SMG6: variants seen among roughly 807,000 people sequenced by gnomAD.
SMG6 encodes SMG6 nonsense mediated mRNA decay factor.
In SMG6, 66 loss-of-function variants were observed where a neutral mutation model predicts 142.2. That is an observed-to-expected ratio of 0.46 (90% CI 0.38 to 0.57). The LOEUF is 0.57. SMG6 is among the 20% of genes least tolerant of loss of function. The pLI is 0.00. For synonymous variants in SMG6, 779 were observed against 702.4 expected (o/e 1.11, Z -1.72); for missense variants, 1,793 against 1,832.0 (o/e 0.98, Z 0.39).
At chr17:2,279,051 C>T (rs940350346) in intron 8 of SMG6, among the ~76,000 whole-genome samples, 1 of 152,130 alleles carries the variant, frequency 6.6e-6, no homozygotes, top group African/African-American at 2.4e-5. Flanking sequence ...AGGGAAAGAT[C>T]TGCACAAAAC....
At chr17:2,274,071 A>G (rs2074597975) in intron 8 of SMG6, among the ~76,000 whole-genome samples, 1 of 152,224 alleles carries the variant, frequency 6.6e-6, no homozygotes, top group African/African-American at 2.4e-5. Context: ...TCAATCCACC[A>G]TCTGTCTTTG....
intron 10 of SMG6, among the ~76,000 whole-genome samples, chr17:2,209,199 G>A (rs966079254): frequency 6.6e-6 from 1 of 152,128 alleles, no homozygotes; most frequent in South Asian, 2.1e-4. Flanking sequence ...TAAGATGTAA[G>A]ACAGCTCTAT....
chr17:2,101,808 G>C (rs1404911363), intron 13 of SMG6: 1 of 152,296 alleles, frequency 6.6e-6, no homozygotes, highest in African/African-American at 2.4e-5. Context: ...TTAAGGCACA[G>C]AGAAGTAACT....
In SMG6 at chr17:2,299,092, T is replaced by C. The variant is rs1159336724; in HGVS notation, c.1661A>G (p.Tyr554Cys). Residue 554 changes from tyrosine to cysteine, a missense_variant, in exon 2 of 19, where the codon TAT (tyrosine) becomes TGT (cysteine). Physicochemically the swap from Tyr to Cys is radical, Grantham distance 194. This residue lies in a region of SMG6 where 1,597 missense variants were observed against 1,584.6 expected (regional missense o/e 1.01). Transcript: ENST00000263073. This position sits in a 1 kb window ranked among gnomAD's most constrained non-coding sequence, Gnocchi z 4.3. ...GCTGGTAGGTAGAGGGCTACACACA[T>C]ACTGTCCTGACGGAGTCGGGTAGCC... ...YPGYPTPSGQ[Y>C]VCSPLPTSTM... is the part of the protein sequence containing the mutation. 1 of 1,614,140 alleles carries C rather than the reference T, an allele frequency of 6.2e-7. No homozygotes were observed.
intron 10 of SMG6, among the ~76,000 whole-genome samples, chr17:2,201,186 A>G (rs770738936): frequency 2.0e-5 from 3 of 152,234 alleles, no homozygotes; most frequent in Non-Finnish European, 2.9e-5. Context: ...TCAACTCAGC[A>G]AAATAAATAA....
chr17:2,296,687 C>A (rs1174861013), intron 4 of SMG6, among the ~76,000 whole-genome samples: 1 of 152,086 alleles, frequency 6.6e-6, no homozygotes, highest in Non-Finnish European at 1.5e-5. Context: ...GAAACTAGTC[C>A]CCGGTGCCAA....
At chr17:2,156,419 A>G (rs2071007346) in intron 13 of SMG6, among the ~76,000 whole-genome samples, 1 of 150,358 alleles carries the variant, frequency 6.7e-6, no homozygotes. Context: ...AAAAAAAAAA[A>G]AAAGAGTTAA....
At chr17:2,069,471 C>G (rs1343939755) in intron 15 of SMG6, among the ~76,000 whole-genome samples, 1 of 152,010 alleles carries the variant, frequency 6.6e-6, no homozygotes, top group Admixed American at 6.5e-5. Flanking sequence ...TGGCACACGC[C>G]TGTGGTCCCA....
At chr17:2,075,079 C>T (rs915643255) in intron 15 of SMG6, among the ~76,000 whole-genome samples, 5 of 152,212 alleles carry the variant, frequency 3.3e-5, no homozygotes, top group South Asian at 2.1e-4. Flanking sequence ...TTGACGTGAA[C>T]GTGCCCCCGG....
intron 8 of SMG6, among the ~76,000 whole-genome samples, chr17:2,247,202 T>A (rs1195743540): frequency 6.6e-6 from 1 of 152,204 alleles, no homozygotes; most frequent in Admixed American, 6.5e-5. Context: ...ATTGTTAACA[T>A]TCTCTCCTAA....
chr17:2,145,855 T>G (rs1465494645), intron 13 of SMG6, among the ~76,000 whole-genome samples: 1 of 152,102 alleles, frequency 6.6e-6, no homozygotes, highest in African/African-American at 2.4e-5. Flanking sequence ...CAATCCACCC[T>G]GAAGTTTGGG....
At chr17:2,254,083 AAG>A (rs1353943914) in intron 8 of SMG6, among the ~76,000 whole-genome samples, 1 of 152,204 alleles carries the variant, frequency 6.6e-6, no homozygotes, top group Non-Finnish European at 1.5e-5. Flanking sequence ...GAAAAAGAGA[AAG>A]AAAGTTCAGC....
At chr17:2,181,484 A>C (rs2071804591) in intron 12 of SMG6, among the ~76,000 whole-genome samples, 1 of 152,214 alleles carries the variant, frequency 6.6e-6, no homozygotes, top group Non-Finnish European at 1.5e-5. Context: ...GCACAGAAGG[A>C]GATGTTTTTC....
intron 10 of SMG6, among the ~76,000 whole-genome samples, chr17:2,230,979 T>A (rs1201315611): frequency 6.6e-6 from 1 of 152,156 alleles, no homozygotes; most frequent in Non-Finnish European, 1.5e-5. Context: ...CAAGGGTTTC[T>A]ACCACCAGAG....
At position 2,085,094 on chromosome 17, in the gene SMG6, G is replaced by A. The variant is rs2068520149; in HGVS notation, c.3534+631C>T. ...ACTGCCAGTGGACTATTGCAGGGGCGGGTACACAGGCTCATGCATGTGCAT... is the reference window on the plus strand; with the variant it reads ...ACTGCCAGTGGACTATTGCAGGGGCAGGTACACAGGCTCATGCATGTGCAT... On this transcript the variant is annotated intron_variant, in intron 14 of 18. Transcript: ENST00000263073. This position sits in a 1 kb window ranked among gnomAD's most constrained non-coding sequence, Gnocchi z 4.1. 6.6e-6 allele frequency among the ~76,000 whole-genome samples: 1 copy of A among 152,246 alleles called. No homozygotes were observed. Among genetic ancestry groups the A allele is most frequent in the Middle Eastern group, 3.4e-3 (1 of 294 alleles).
chr17:2,303,385 C>T (rs2075330404), intron 1 of SMG6: 1 of 1,237,156 alleles, frequency 8.1e-7, no homozygotes, highest in Non-Finnish European at 1.0e-6. Context: ...ACCTTCGCGG[C>T]GAGAAAGAGG....
At chr17:2,204,465 C>A (rs1449364043) in intron 10 of SMG6, among the ~76,000 whole-genome samples, 1 of 152,216 alleles carries the variant, frequency 6.6e-6, no homozygotes, top group East Asian at 1.9e-4. Flanking sequence ...CCAAACCAAA[C>A]TGCGAACGTA....
At chr17:2,098,894 G>C (rs893251920) in intron 13 of SMG6, among the ~76,000 whole-genome samples, 1 of 152,166 alleles carries the variant, frequency 6.6e-6, no homozygotes, top group Admixed American at 6.5e-5. Context: ...GCCTCCCAAA[G>C]GGCTGGAATT....
At chr17:2,154,608 G>C (rs548055012) in intron 13 of SMG6, among the ~76,000 whole-genome samples, 2 of 152,244 alleles carry the variant, frequency 1.3e-5, no homozygotes, top group South Asian at 2.1e-4. Context: ...TTCTCCAAAA[G>C]AGCAAAGTGT....
Sources: allele counts gnomAD v4.1 joint callset (sites outside exome capture counted in the v4.1 genomes callset), GRCh38; gene constraint gnomAD v4.1.1; regional missense constraint gnomAD v4.1.1; non-coding constraint Gnocchi (gnomAD v3.1); transcripts MANE v1.5; gene names NCBI Gene and HGNC (gene_info 2026-07-23, HGNC 2026-07-21).